CNRIP1: variants seen among roughly 807,000 people sequenced by gnomAD.
CNRIP1 encodes cannabinoid receptor interacting protein 1.
CNRIP1 carries 10 observed loss-of-function variants against 15.2 expected under a neutral mutation model. That is an observed-to-expected ratio of 0.66 (90% confidence interval 0.41 to 1.12). The LOEUF (loss-of-function observed/expected upper bound fraction) is 1.12. CNRIP1 is among the 50% of genes most tolerant of loss of function. The pLI is 0.00. For synonymous variants in CNRIP1, 91 were observed against 83.2 expected, an observed-to-expected ratio of 1.09 and a Z score of -0.51; for missense variants, 211 against 214.7, an observed-to-expected ratio of 0.98 and a Z score of 0.11.
intron 2 of CNRIP1, among the ~76,000 whole-genome samples, chr2:68,305,744 C>T (rs539875584): frequency 4.1e-5 from 6 of 146,958 alleles, no homozygotes; most frequent in East Asian, 4.1e-4. Flanking sequence ...TGCAGTAAGC[C>T]GAGATGGCAC....
intron 1 of CNRIP1, among the ~76,000 whole-genome samples, chr2:68,317,923 C>A (rs183499517): frequency 9.7e-4 from 148 of 151,980 alleles, no homozygotes; most frequent in Non-Finnish European, 1.9e-3. Context: ...GTTGAGAAAT[C>A]CTTGATAGCA....
intron 2 of CNRIP1, among the ~76,000 whole-genome samples, chr2:68,302,933 G>GC (rs1248706206): frequency 5.0e-5 from 7 of 140,718 alleles, no homozygotes; most frequent in Non-Finnish European, 7.6e-5. Flanking sequence ...TGCAGGCTCC[G>GC]CCCCCCGGGG....
downstream of CNRIP1, among the ~76,000 whole-genome samples, chr2:68,292,157 T>C (rs1299255377): frequency 1.3e-5 from 2 of 152,196 alleles, no homozygotes; most frequent in African/African-American, 4.8e-5. Context: ...TAATTGAGTG[T>C]TGGTTTTAAA....
intron 2 of CNRIP1, among the ~76,000 whole-genome samples, chr2:68,300,417 G>T (rs1453194794): frequency 6.6e-6 from 1 of 152,200 alleles, no homozygotes; most frequent in Non-Finnish European, 1.5e-5. Context: ...AGGAGTTCAA[G>T]ACCAGCCTGG....
At chr2:68,286,046 G>A (rs1392689303) in intron 2 of CNRIP1, among the ~76,000 whole-genome samples, 3 of 152,136 alleles carry the variant, frequency 2.0e-5, no homozygotes, top group Admixed American at 6.6e-5. Context: ...TACCTATATA[G>A]GTACTTACGT....
At chr2:68,301,005 TA>T (rs756013562) in intron 2 of CNRIP1, among the ~76,000 whole-genome samples, 6 of 152,228 alleles carry the variant, frequency 3.9e-5, no homozygotes, top group Non-Finnish European at 7.3e-5. Flanking sequence ...CAATTCCACA[TA>T]AATTCTTTCA....
intron 1 of CNRIP1, among the ~76,000 whole-genome samples, chr2:68,319,001 T>C (rs1672385080): frequency 6.6e-6 from 1 of 152,152 alleles, no homozygotes; most frequent in South Asian, 2.1e-4. Context: ...CCCACTGAGG[T>C]CACTGCGATG....
chr2:68,298,043 A>G (rs946668031), intron 2 of CNRIP1, among the ~76,000 whole-genome samples: 2 of 152,192 alleles, frequency 1.3e-5, no homozygotes, highest in African/African-American at 4.8e-5. Context: ...TTACAATAAT[A>G]TATACAGCCT....
chr2:68,298,415 C>G (rs1222981886), intron 2 of CNRIP1, among the ~76,000 whole-genome samples: 1 of 152,038 alleles, frequency 6.6e-6, no homozygotes, highest in Non-Finnish European at 1.5e-5. Flanking sequence ...AGAAACAACA[C>G]TGAGATTTTT....
intron 2 of CNRIP1, among the ~76,000 whole-genome samples, chr2:68,314,118 A>C (rs1289271290): frequency 6.6e-6 from 1 of 152,112 alleles, no homozygotes; most frequent in Admixed American, 6.6e-5. Context: ...CTTTTTTGCT[A>C]TACTTTTCAT....
At chr2:68,308,595 T>C (rs1298262876) in intron 2 of CNRIP1, among the ~76,000 whole-genome samples, 3 of 152,192 alleles carry the variant, frequency 2.0e-5, no homozygotes, top group Non-Finnish European at 4.4e-5. Flanking sequence ...TTTATACCTA[T>C]ATCATTTTAC....
chr2:68,296,558 A>ATGTGTGTG (rs1267128146), intron 2 of CNRIP1, among the ~76,000 whole-genome samples: 4 of 96,558 alleles, frequency 4.1e-5, no homozygotes, highest in Admixed American at 2.1e-4. Flanking sequence ...ATGTGTATAT[A>ATGTGTGTG]TGTGTATGTG....
chr2:68,306,394 C>A (rs927503233), intron 2 of CNRIP1, among the ~76,000 whole-genome samples: 4 of 151,496 alleles, frequency 2.6e-5, no homozygotes, highest in African/African-American at 9.7e-5. Flanking sequence ...TGATCCTAGA[C>A]ATATCTGAAC....
At chr2:68,294,085 G>A in intron 2 of CNRIP1, 59 bp from the exon 3 acceptor site, 1 of 1,549,734 alleles carries the variant, frequency 6.5e-7, no homozygotes, top group Non-Finnish European at 8.8e-7. Context: ...CAATAGATGA[G>A]AGCTAACATT....
chr2:68,302,710 A>G (rs78467914), intron 2 of CNRIP1, among the ~76,000 whole-genome samples: 10,793 of 152,230 alleles, frequency 0.071, 442 homozygotes, highest in Admixed American at 0.13. Context: ...TCAAGGCAAC[A>G]CAGCTTAGGA....
At chr2:68,308,561 C>T (rs1305449225) in intron 2 of CNRIP1, among the ~76,000 whole-genome samples, 2 of 152,010 alleles carry the variant, frequency 1.3e-5, no homozygotes, top group African/African-American at 4.8e-5. Flanking sequence ...AACTTTCCCA[C>T]CTTATTTAAC....
chr2:68,312,157 A>G (rs2103681933), intron 2 of CNRIP1, among the ~76,000 whole-genome samples: 1 of 152,332 alleles, frequency 6.6e-6, no homozygotes, highest in African/African-American at 2.4e-5. Flanking sequence ...AAAACTAGAC[A>G]AAGGCATTAT....
intron 2 of CNRIP1, among the ~76,000 whole-genome samples, chr2:68,297,335 C>A (rs1306981113): frequency 6.6e-6 from 1 of 151,942 alleles, no homozygotes; most frequent in Non-Finnish European, 1.5e-5. Flanking sequence ...GGGAGGCCAA[C>A]ATAGTAGTAC....
Position 68,317,258 on chromosome 2 carries a change from C to T in CNRIP1, c.229G>A (p.Glu77Lys). 6.2e-7 allele frequency: 1 copy of T among 1,614,160 alleles called. No individual in the cohort carries two copies. Among genetic ancestry groups the T allele is most frequent in the Non-Finnish European group, 8.5e-7 (1 of 1,180,016 alleles). ...TAAACAACTCTGTCCCCATCAGGCT[C>T]TTTAGACTTCAGTTCCAGTGGGACA... is the stretch of plus-strand genomic sequence containing the variant. Reference protein sequence around the residue: ...VLVPLELKSKEPDGDRVVYTG... With the variant: ...VLVPLELKSKKPDGDRVVYTG... Residue 77 changes from glutamate to lysine, a missense_variant, in exon 2 of 3, where the codon GAG becomes AAG. Coordinates refer to ENST00000263655, the MANE Select transcript of CNRIP1 (RefSeq NM_015463.3).
Sources: gnomAD v4.1 joint callset for allele counts (sites outside exome capture counted in the v4.1 genomes callset) on GRCh38, gnomAD v4.1.1 for gene constraint, MANE v1.5 for transcripts, NCBI Gene and HGNC (gene_info 2026-07-23, HGNC 2026-07-21) for gene names.